Variants in NELL1 observed in about 807,000 individuals in gnomAD.
The protein encoded by NELL1 is neural EGFL like 1.
A neutral mutation model predicts 107.4 loss-of-function variants in NELL1; 76 were observed. The ratio of observed to expected loss-of-function variants is 0.71; its 90% CI spans 0.59 to 0.86. The LOEUF is 0.86. NELL1 is among the 40% of genes least tolerant of loss of function. NELL1 has a pLI of 0.00. For synonymous variants in NELL1, 353 were observed against 341.2 expected (o/e 1.03, Z -0.38); for missense variants, 1,024 against 1,005.5 (o/e 1.02, Z -0.25).
chr11:21,278,811 C>G (rs1422820523), intron 14 of NELL1, among the ~76,000 whole-genome samples: 1 of 152,126 alleles, frequency 6.6e-6, no homozygotes, highest in Admixed American at 6.6e-5. Flanking sequence ...CAGACAAAGA[C>G]TCAGAATAAC....
chr11:21,059,089 G>A (rs1853675760), intron 12 of NELL1, among the ~76,000 whole-genome samples: 1 of 152,048 alleles, frequency 6.6e-6, no homozygotes. Flanking sequence ...AGGATGAATT[G>A]TGAAATCCTG....
At chr11:20,672,633 T>G (rs1034377540) in intron 1 of NELL1, among the ~76,000 whole-genome samples, 1 of 152,138 alleles carries the variant, frequency 6.6e-6, no homozygotes, top group Non-Finnish European at 1.5e-5. Context: ...ATAATGAAAA[T>G]TTAGAAGGCT....
chr11:20,989,810 G>A (rs1851932470), intron 12 of NELL1, among the ~76,000 whole-genome samples: 1 of 152,016 alleles, frequency 6.6e-6, no homozygotes, highest in African/African-American at 2.4e-5. Context: ...GGCTAACACG[G>A]TGAAACCCTG....
intron 14 of NELL1, among the ~76,000 whole-genome samples, chr11:21,273,333 C>T (rs137925063): frequency 0.019 from 2,877 of 151,744 alleles, 96 homozygotes; most frequent in African/African-American, 0.065. Context: ...TGAAATGAAG[C>T]GAGAAGAGAA....
chr11:21,070,921 C>T (rs1020626421), intron 12 of NELL1, among the ~76,000 whole-genome samples: 1 of 152,122 alleles, frequency 6.6e-6, no homozygotes, highest in Non-Finnish European at 1.5e-5. Context: ...ATTCTGACAA[C>T]AGGGAGCACT....
At chr11:21,483,094 G>C (rs1430133523) in intron 15 of NELL1, among the ~76,000 whole-genome samples, 1 of 152,048 alleles carries the variant, frequency 6.6e-6, no homozygotes, top group Non-Finnish European at 1.5e-5. Context: ...AGAGTGCCTG[G>C]CACTGCCTTT....
intron 11 of NELL1, among the ~76,000 whole-genome samples, chr11:20,948,316 G>A (rs1481235805): frequency 6.6e-6 from 1 of 151,932 alleles, no homozygotes; most frequent in East Asian, 1.9e-4. Flanking sequence ...GCCTCCCAAG[G>A]TGTTGGGAGT....
At chr11:21,050,368 A>G (rs1853463544) in intron 12 of NELL1, among the ~76,000 whole-genome samples, 1 of 152,124 alleles carries the variant, frequency 6.6e-6, no homozygotes, top group Non-Finnish European at 1.5e-5. Context: ...GATTACTTAA[A>G]ACTCATAAAT....
intron 2 of NELL1, among the ~76,000 whole-genome samples, chr11:20,780,565 A>C (rs1302198764): frequency 6.6e-6 from 1 of 152,214 alleles, no homozygotes; most frequent in African/African-American, 2.4e-5. Flanking sequence ...TGGGAAAAGA[A>C]AGGAAATAAT....
intron 15 of NELL1, among the ~76,000 whole-genome samples, chr11:21,375,094 TCACCTGTGTATACTG>T (rs1159176778): frequency 6.6e-6 from 1 of 152,070 alleles, no homozygotes. Context: ...AACAGGTTTC[TCACCTGTGTATACTG>T]CATGATGCAA....
intron 13 of NELL1, among the ~76,000 whole-genome samples, chr11:21,212,096 G>A (rs1444779412): frequency 1.3e-5 from 2 of 152,128 alleles, no homozygotes; most frequent in East Asian, 3.9e-4. Context: ...AAAGTGTTGG[G>A]ATTACAGGTG....
chr11:20,915,717 A>ATATATATATATATATATATATATTT, intron 5 of NELL1, among the ~76,000 whole-genome samples: 18 of 58,210 alleles, frequency 3.1e-4, no homozygotes, highest in African/African-American at 1.2e-3. Context: ...ATATATATAT[A>ATATATATATATATATATATATATTT]TTTTTTTTTT....
intron 13 of NELL1, among the ~76,000 whole-genome samples, chr11:21,117,554 T>C (rs900609756): frequency 6.6e-6 from 1 of 152,036 alleles, no homozygotes; most frequent in African/African-American, 2.4e-5. Context: ...TCAACTAATA[T>C]ATGTGAAAGT....
intron 16 of NELL1, among the ~76,000 whole-genome samples, 160 bp from the exon 17 acceptor site, chr11:21,560,029 G>A (rs747326660): frequency 3.3e-5 from 5 of 152,114 alleles, no homozygotes; most frequent in Non-Finnish European, 7.4e-5. Flanking sequence ...GAGCAGAACT[G>A]ACTTGCAGTG....
intron 2 of NELL1, among the ~76,000 whole-genome samples, chr11:20,766,048 T>TAATC (rs1168267853): frequency 6.6e-6 from 1 of 152,174 alleles, no homozygotes; most frequent in Admixed American, 6.5e-5. Context: ...GTGGCATACG[T>TAATC]AATCAGTTGT....
At chr11:21,551,852 G>T (rs1017818491) in intron 16 of NELL1, among the ~76,000 whole-genome samples, 1 of 150,724 alleles carries the variant, frequency 6.6e-6, no homozygotes, top group Non-Finnish European at 1.5e-5. Context: ...GTTTATTGCG[G>T]CACTATTCAC....
chr11:21,100,095 C>A (rs1854767276), intron 12 of NELL1, among the ~76,000 whole-genome samples: 1 of 151,976 alleles, frequency 6.6e-6, no homozygotes, highest in Admixed American at 6.6e-5. Flanking sequence ...TGGCTCACTG[C>A]AACCTCCACT....
rs1167810403 is a variant in NELL1, at chr11:21,437,085, G to T, written c.1645+66137G>T. The stretch of plus-strand genomic sequence containing the variant: ...TGCTGATGGAAAGAATGTGTATTCT[G>T]TAGCTTTTGGGTAAAATGTTCTGCA... On this transcript the variant is annotated intron_variant, in intron 15 of 19. Coordinates refer to ENST00000357134, the MANE Select transcript of NELL1 (RefSeq NM_006157.5). 2.0e-5 allele frequency among the ~76,000 whole-genome samples: 3 copies of T among 152,104 alleles called. No individual in the cohort carries two copies. In the East Asian group the frequency reaches 5.8e-4, roughly 29 times the overall value.
intron 14 of NELL1, among the ~76,000 whole-genome samples, chr11:21,236,442 A>T (rs190667605): frequency 6.6e-6 from 1 of 152,308 alleles, no homozygotes; most frequent in East Asian, 1.9e-4. Flanking sequence ...AAAATCAAAG[A>T]CAAATTAAAA....
Sources: gnomAD v4.1 joint callset for allele counts (sites outside exome capture counted in the v4.1 genomes callset) on GRCh38, gnomAD v4.1.1 for gene constraint, MANE v1.5 for transcripts, NCBI Gene and HGNC (gene_info 2026-07-23, HGNC 2026-07-21) for gene names.